The following UBA2 variants were observed in gnomAD, a reference collection of about 807,000 sequenced individuals.
The protein encoded by UBA2 is SUMO-activating enzyme subunit 2.
In UBA2, 11 loss-of-function variants were observed where a neutral mutation model predicts 77.2. The ratio of observed to expected loss-of-function variants is 0.14; its 90% CI spans 0.09 to 0.24. UBA2 has a LOEUF of 0.24. UBA2 is among the 10% of genes least tolerant of loss of function. The probability of loss-of-function intolerance (pLI) is 1.00; values close to 1 mark genes in which losing one functional copy is unlikely to be tolerated. For synonymous variants in UBA2, 278 were observed against 276.7 expected (o/e 1.00, Z -0.05); for missense variants, 487 against 781.7 (o/e 0.62, Z 4.50).
chr19:34,453,728 A>G (rs1271159020), intron 10 of UBA2, among the ~76,000 whole-genome samples: 1 of 151,934 alleles, frequency 6.6e-6, no homozygotes, highest in Non-Finnish European at 1.5e-5. Context: ...GGGTTTTGCC[A>G]CGTTGCCCGG....
Position 34,458,656 on chromosome 19 carries a change from C to T in UBA2, c.1246-113C>T, listed in dbSNP as rs539503627. 159 of 810,094 alleles carry T rather than the reference C, an allele frequency of 2.0e-4. 1 individual carries two copies. Among genetic ancestry groups the T allele is most frequent in the Middle Eastern group, 1.8e-3 (4 of 2,236 alleles). 50.2% of individuals were successfully genotyped at this position (810,094 alleles called of 1,614,324 possible). On this transcript the variant is annotated intron_variant, in intron 12 of 16. Coordinates refer to ENST00000246548, the MANE Select transcript of UBA2 (RefSeq NM_005499.3). ...TTCCTGATCCATTTTGCCATCTGGA[C>T]GGGAATTTTTAAGTCATTTTTTATT...
At chr19:34,452,611 A>G (rs773606106) in intron 10 of UBA2, among the ~76,000 whole-genome samples, 10 of 152,356 alleles carry the variant, frequency 6.6e-5, no homozygotes, top group Non-Finnish European at 1.5e-4. Context: ...CTTAGAAGTT[A>G]AAATCATATT....
chr19:34,447,630 A>C (rs1229551779), intron 8 of UBA2, among the ~76,000 whole-genome samples: 1 of 152,228 alleles, frequency 6.6e-6, no homozygotes, highest in Non-Finnish European at 1.5e-5. Flanking sequence ...AGTTGTGAAC[A>C]AGACAGAAGA....
chr19:34,450,216 T>C, intron 8 of UBA2, 49 bp from the exon 9 acceptor site: 2 of 1,323,384 alleles, frequency 1.5e-6, no homozygotes, highest in Admixed American at 1.9e-5. Context: ...TCTTGTATCT[T>C]ATCAATTAGG....
At chr19:34,438,405 G>A (rs2075333436) in intron 5 of UBA2, among the ~76,000 whole-genome samples, 1 of 152,180 alleles carries the variant, frequency 6.6e-6, no homozygotes, top group African/African-American at 2.4e-5. Context: ...GGGCTTGTAA[G>A]TCATGTTCAC....
At chr19:34,468,404 T>C (rs2075709082) in intron 16 of UBA2, among the ~76,000 whole-genome samples, 1 of 152,210 alleles carries the variant, frequency 6.6e-6, no homozygotes, top group Non-Finnish European at 1.5e-5. Flanking sequence ...TAATTTGAAA[T>C]GTACATTTAT....
intron 7 of UBA2, 118 bp downstream of exon 7, chr19:34,444,029 A>G (rs1256545961): frequency 4.6e-5 from 16 of 351,022 alleles, no homozygotes; most frequent in Admixed American, 3.2e-4. Context: ...TGTGTTTAAC[A>G]TGTGTTTTTT....
intron 15 of UBA2, among the ~76,000 whole-genome samples, chr19:34,466,048 A>G (rs775115177): frequency 5.3e-5 from 8 of 152,030 alleles, no homozygotes; most frequent in Admixed American, 1.3e-4. Context: ...TTAAGATCAC[A>G]TTGTAGGCCA....
chr19:34,456,990 G>A (rs1033416908), intron 12 of UBA2, among the ~76,000 whole-genome samples: 7 of 150,410 alleles, frequency 4.7e-5, no homozygotes, highest in South Asian at 2.1e-4. Context: ...ACATCCTTCC[G>A]GTTTCTTTGC....
chr19:34,431,189 G>C (rs2075249232), intron 2 of UBA2, among the ~76,000 whole-genome samples: 1 of 150,178 alleles, frequency 6.7e-6, no homozygotes, highest in Admixed American at 6.6e-5. Context: ...GACTAAGTCA[G>C]GTTGGTTTTT....
At chr19:34,442,006 A>T (rs1172609763) in intron 6 of UBA2, among the ~76,000 whole-genome samples, 1 of 151,994 alleles carries the variant, frequency 6.6e-6, no homozygotes, top group Non-Finnish European at 1.5e-5. Context: ...AGGCCAAGGC[A>T]GGAGGATTGC....
intron 6 of UBA2, 118 bp downstream of exon 6, chr19:34,438,884 CT>C: frequency 7.6e-7 from 1 of 1,315,486 alleles, no homozygotes; most frequent in East Asian, 2.4e-5. Flanking sequence ...TGAAGGGATG[CT>C]TTAGTAGCTT....
chr19:34,454,591 C>T (rs1466544665), intron 12 of UBA2, 35 bp downstream of exon 12: 1 of 1,068,192 alleles, frequency 9.4e-7, no homozygotes, highest in Non-Finnish European at 1.3e-6. Context: ...ATGCAACCCC[C>T]CTTAAAAAAA....
chr19:34,462,279 A>G (rs942342175), intron 14 of UBA2, among the ~76,000 whole-genome samples: 5 of 152,172 alleles, frequency 3.3e-5, no homozygotes, highest in African/African-American at 1.2e-4. Flanking sequence ...TGAGATTTGC[A>G]AAGTCAGAAC....
chr19:34,433,355 T>C lies in UBA2; in HGVS notation c.301T>C (p.Tyr101His). 1 of 1,611,878 alleles carries C rather than the reference T, an allele frequency of 6.2e-7. No individual in the cohort carries two copies. Among genetic ancestry groups the C allele is most frequent in the Non-Finnish European group, 8.5e-7 (1 of 1,178,552 alleles). The change falls in exon 4 of 17, where the codon TAT becomes CAT. Residue 101 changes from tyrosine to histidine, a missense_variant. Transcript: ENST00000246548. The stretch of plus-strand genomic sequence containing the variant: ...TTTTATTTTGTTTTGTAGCCCTGAC[T>C]ATAATGTGGAATTTTTCCGACAGTT... ...AYHDSIMNPD[Y>H]NVEFFRQFIL...
chr19:34,453,145 G>A (rs2075520164), intron 10 of UBA2, among the ~76,000 whole-genome samples: 1 of 152,166 alleles, frequency 6.6e-6, no homozygotes, highest in South Asian at 2.1e-4. Context: ...CACCTTATGA[G>A]ATGGGGATAT....
chr19:34,448,422 C>G (rs1247754867), intron 8 of UBA2, among the ~76,000 whole-genome samples: 2 of 151,962 alleles, frequency 1.3e-5, no homozygotes, highest in African/African-American at 4.8e-5. Context: ...TAGCAAGACC[C>G]CATCTCTAAA....
intron 4 of UBA2, among the ~76,000 whole-genome samples, chr19:34,434,163 A>G (rs1316365260): frequency 6.6e-6 from 1 of 152,204 alleles, no homozygotes; most frequent in Non-Finnish European, 1.5e-5. Flanking sequence ...TGCCCAGACT[A>G]GAGTGCACTG....
intron 6 of UBA2, among the ~76,000 whole-genome samples, chr19:34,440,144 C>T (rs373624001): frequency 6.6e-6 from 1 of 151,756 alleles, no homozygotes; most frequent in Admixed American, 6.6e-5. Context: ...GCCAACATGG[C>T]GAAACCCCGT....
Sources: allele counts gnomAD v4.1 joint callset (sites outside exome capture counted in the v4.1 genomes callset), GRCh38; gene constraint gnomAD v4.1.1; transcripts MANE v1.5; gene names NCBI Gene and HGNC (gene_info 2026-07-23, HGNC 2026-07-21).